The following CTNND2 variants were observed in gnomAD, a reference collection of about 807,000 sequenced individuals.
CTNND2 encodes the protein catenin delta 2, also known as catenin delta-2.
A neutral mutation model predicts 144.4 loss-of-function variants in CTNND2; 22 were observed. That is an observed-to-expected ratio of 0.15 (90% CI 0.11 to 0.22). The LOEUF (loss-of-function observed/expected upper bound fraction) is 0.22. CTNND2 is among the 10% of genes least tolerant of loss of function. The pLI is 1.00. For synonymous variants in CTNND2, 751 were observed against 695.6 expected (o/e 1.08, Z -1.25); for missense variants, 1,353 against 1,618.8 (o/e 0.84, Z 2.82).
At chr5:11,377,588 C>T (rs889719090) in intron 7 of CTNND2, among the ~76,000 whole-genome samples, 1 of 152,020 alleles carries the variant, frequency 6.6e-6, no homozygotes, top group African/African-American at 2.4e-5. Flanking sequence ...TATAAAGATG[C>T]CACTTTCCTA....
At chr5:11,477,841 T>C (rs978226039) in intron 3 of CTNND2, among the ~76,000 whole-genome samples, 8 of 152,134 alleles carry the variant, frequency 5.3e-5, no homozygotes, top group African/African-American at 1.9e-4. Flanking sequence ...AGTTGGGTGG[T>C]AAAGAAGAGA....
chr5:11,699,145 A>T (rs746638415), intron 2 of CTNND2, among the ~76,000 whole-genome samples: 2 of 152,152 alleles, frequency 1.3e-5, no homozygotes, highest in Non-Finnish European at 2.9e-5. Flanking sequence ...CTATCGAATG[A>T]GTAGCTGTAG....
chr5:11,243,616 C>T (rs1416641797), intron 9 of CTNND2, among the ~76,000 whole-genome samples: 1 of 152,152 alleles, frequency 6.6e-6, no homozygotes, highest in African/African-American at 2.4e-5. Flanking sequence ...CAAATGTAAC[C>T]TTTTCTCCAT....
chr5:11,349,016 T>C (rs866641713), intron 8 of CTNND2, among the ~76,000 whole-genome samples: 1 of 152,146 alleles, frequency 6.6e-6, no homozygotes, highest in Non-Finnish European at 1.5e-5. Flanking sequence ...TTTCTAAAGG[T>C]GGAGAACTGG....
At chr5:11,377,944 G>C (rs1278673153) in intron 7 of CTNND2, among the ~76,000 whole-genome samples, 1 of 152,198 alleles carries the variant, frequency 6.6e-6, no homozygotes, top group African/African-American at 2.4e-5. Flanking sequence ...GTAGGCAGAT[G>C]AATGCTATTA....
At chr5:11,498,946 T>C (rs1454166516) in intron 3 of CTNND2, among the ~76,000 whole-genome samples, 1 of 152,180 alleles carries the variant, frequency 6.6e-6, no homozygotes, top group East Asian at 1.9e-4. Flanking sequence ...TGATGGCTTT[T>C]GAACATTCTC....
At chr5:11,275,010 G>T (rs981134194) in intron 9 of CTNND2, among the ~76,000 whole-genome samples, 2 of 152,226 alleles carry the variant, frequency 1.3e-5, no homozygotes, top group East Asian at 1.9e-4. Flanking sequence ...ATAATTACGG[G>T]TATAGAGTTG....
intron 1 of CTNND2, among the ~76,000 whole-genome samples, chr5:11,795,804 T>C (rs912655067): frequency 2.0e-5 from 3 of 152,232 alleles, no homozygotes; most frequent in African/African-American, 7.2e-5. Flanking sequence ...GTTTCTATTG[T>C]TGGTGGAGAA....
chr5:11,101,871 T>C (rs1002098708), intron 14 of CTNND2, among the ~76,000 whole-genome samples: 5 of 134,698 alleles, frequency 3.7e-5, no homozygotes, highest in African/African-American at 9.4e-5. Context: ...TTATGTTATC[T>C]GCATGACGAC....
intron 2 of CTNND2, among the ~76,000 whole-genome samples, chr5:11,642,708 G>C (rs1782131607): frequency 1.3e-5 from 2 of 152,226 alleles, no homozygotes; most frequent in South Asian, 2.1e-4. Context: ...GTGACCTTGT[G>C]AGGAATTTAA....
chr5:11,698,665 T>G (rs1294885875), intron 2 of CTNND2, among the ~76,000 whole-genome samples: 1 of 152,180 alleles, frequency 6.6e-6, no homozygotes, highest in African/African-American at 2.4e-5. Context: ...CATGAAGTGC[T>G]GGAAATAAAT....
At chr5:11,385,292 C>A in intron 6 of CTNND2, 63 bp from the exon 7 acceptor site, 1 of 1,022,858 alleles carries the variant, frequency 9.8e-7, no homozygotes, top group Non-Finnish European at 1.2e-6. Context: ...GCCCACCCGG[C>A]CCAGCCCGGC....
intron 11 of CTNND2, among the ~76,000 whole-genome samples, chr5:11,176,304 A>ACTGACATGATTCCCC (rs1760472416): frequency 6.6e-6 from 1 of 151,642 alleles, no homozygotes; most frequent in Non-Finnish European, 1.5e-5. Flanking sequence ...GCTGTTTCCC[A>ACTGACATGATTCCCC]CTGACATGAT....
intron 16 of CTNND2, among the ~76,000 whole-genome samples, chr5:11,038,999 G>A (rs140073024): frequency 2.6e-5 from 4 of 152,332 alleles, no homozygotes; most frequent in Admixed American, 6.5e-5. Context: ...TCATGGCAGC[G>A]TGCACATCAT....
At chr5:11,575,813 G>A (rs770947278) in intron 2 of CTNND2, among the ~76,000 whole-genome samples, 1 of 151,848 alleles carries the variant, frequency 6.6e-6, no homozygotes, top group African/African-American at 2.4e-5. Flanking sequence ...ATTTTCCTCT[G>A]TGGCTGTCTC....
At chr5:11,028,785 T>TGTTG (rs1743139878) in intron 16 of CTNND2, among the ~76,000 whole-genome samples, 1 of 152,248 alleles carries the variant, frequency 6.6e-6, no homozygotes, top group South Asian at 2.1e-4. Context: ...TTCAGCTGAC[T>TGTTG]GCAACCTCTG....
chr5:11,149,857 C>T (rs550896098), intron 12 of CTNND2, among the ~76,000 whole-genome samples: 2 of 152,276 alleles, frequency 1.3e-5, no homozygotes, highest in East Asian at 3.9e-4. Flanking sequence ...AAGCATGAAA[C>T]CTGGACAGGG....
intron 8 of CTNND2, among the ~76,000 whole-genome samples, chr5:11,363,878 T>C (rs762090626): frequency 6.6e-6 from 1 of 152,206 alleles, no homozygotes; most frequent in African/African-American, 2.4e-5. Flanking sequence ...TATATATCAT[T>C]AGGAAAGAAG....
At chr5:11,460,325 G>A (rs1050607693) in intron 3 of CTNND2, among the ~76,000 whole-genome samples, 1 of 152,208 alleles carries the variant, frequency 6.6e-6, no homozygotes, top group Non-Finnish European at 1.5e-5. Flanking sequence ...GCCAATGGGA[G>A]AAATGCAAAG....
Sources: gnomAD v4.1 joint callset for allele counts (sites outside exome capture counted in the v4.1 genomes callset) on GRCh38, gnomAD v4.1.1 for gene constraint, MANE v1.5 for transcripts, NCBI Gene and HGNC (gene_info 2026-07-23, HGNC 2026-07-21) for gene names.